GPC6: variants seen among roughly 807,000 people sequenced by gnomAD.
The protein encoded by GPC6 is glypican-6.
In GPC6, 14 loss-of-function variants were observed where a neutral mutation model predicts 55.2. That is an observed-to-expected ratio of 0.25 (90% CI 0.17 to 0.40). GPC6 has a LOEUF of 0.40. GPC6 is among the 10% of genes least tolerant of loss of function. GPC6 has a pLI of 1.00. For synonymous variants in GPC6, 278 were observed against 259.6 expected (o/e 1.07, Z -0.68); for missense variants, 641 against 708.5 (o/e 0.90, Z 1.08).
At chr13:93,724,370 A>G (rs1883555393) in intron 2 of GPC6, among the ~76,000 whole-genome samples, 1 of 152,038 alleles carries the variant, frequency 6.6e-6, no homozygotes. Flanking sequence ...AGCAAAAGCT[A>G]TTTGTTGATC....
intron 6 of GPC6, among the ~76,000 whole-genome samples, chr13:94,324,511 G>A (rs556739147): frequency 6.6e-6 from 1 of 152,244 alleles, no homozygotes; most frequent in South Asian, 2.1e-4. Context: ...CGCTTCGAGA[G>A]TAGGTTTGAC....
chr13:93,266,389 A>G (rs754669970), intron 1 of GPC6, among the ~76,000 whole-genome samples: 11 of 152,228 alleles, frequency 7.2e-5, no homozygotes, highest in Non-Finnish European at 1.3e-4. Flanking sequence ...GACAAAGGTC[A>G]TCAAATATTT....
intron 1 of GPC6, among the ~76,000 whole-genome samples, chr13:93,388,036 C>T (rs1038599622): frequency 2.0e-5 from 3 of 152,084 alleles, no homozygotes; most frequent in South Asian, 2.1e-4. Context: ...AAATTCCATC[C>T]ATTATACTCT....
intron 2 of GPC6, among the ~76,000 whole-genome samples, chr13:93,779,795 T>G (rs1885580169): frequency 6.6e-6 from 1 of 152,154 alleles, no homozygotes; most frequent in Non-Finnish European, 1.5e-5. Context: ...ACCTTAGAGC[T>G]TAATGTAGGG....
intron 1 of GPC6, among the ~76,000 whole-genome samples, chr13:93,327,213 G>T (rs1199596302): frequency 1.3e-5 from 2 of 152,126 alleles, no homozygotes; most frequent in African/African-American, 4.8e-5. Flanking sequence ...AGTTACACTT[G>T]TGATGACTGG....
intron 1 of GPC6, among the ~76,000 whole-genome samples, chr13:93,255,949 C>G (rs1429688762): frequency 6.6e-6 from 1 of 151,954 alleles, no homozygotes; most frequent in Non-Finnish European, 1.5e-5. Context: ...GCCTGGCCAA[C>G]ATGGAGAAAC....
chr13:93,775,025 A>G (rs139405118), intron 2 of GPC6, among the ~76,000 whole-genome samples: 2 of 152,296 alleles, frequency 1.3e-5, no homozygotes, highest in African/African-American at 4.8e-5. Context: ...AGGAGCAAAC[A>G]CAGATGCCCA....
At chr13:93,973,693 A>G (rs181356063) in intron 3 of GPC6, among the ~76,000 whole-genome samples, 1 of 152,298 alleles carries the variant, frequency 6.6e-6, no homozygotes, top group African/African-American at 2.4e-5. Context: ...TTTCTCACCA[A>G]TATTTACCCT....
intron 2 of GPC6, among the ~76,000 whole-genome samples, chr13:93,554,145 CA>C (rs35616377): frequency 1.6e-3 from 215 of 136,754 alleles, no homozygotes; most frequent in Middle Eastern, 4.1e-3. Context: ...GAGACTCTGT[CA>C]AAAAAAAAAA....
chr13:94,284,509 T>G (rs1892476520), intron 4 of GPC6, among the ~76,000 whole-genome samples: 1 of 152,168 alleles, frequency 6.6e-6, no homozygotes, highest in Non-Finnish European at 1.5e-5. Context: ...TGTGTAGATT[T>G]CTCTGGCCTT....
intron 3 of GPC6, among the ~76,000 whole-genome samples, chr13:93,917,953 C>T (rs945099665): frequency 6.6e-6 from 1 of 152,064 alleles, no homozygotes; most frequent in African/African-American, 2.4e-5. Context: ...AAAAATTAGC[C>T]AGGTGTGGTG....
intron 4 of GPC6, among the ~76,000 whole-genome samples, chr13:94,093,442 ATTCTG>A (rs1185895384): frequency 6.6e-6 from 1 of 151,796 alleles, no homozygotes; most frequent in Non-Finnish European, 1.5e-5. Context: ...TCTGGCTCTT[ATTCTG>A]TTCTGTTGGT....
At chr13:93,735,560 C>G (rs1201620052) in intron 2 of GPC6, among the ~76,000 whole-genome samples, 1 of 151,678 alleles carries the variant, frequency 6.6e-6, no homozygotes, top group Non-Finnish European at 1.5e-5. Context: ...CAAGGATAGA[C>G]AGAGGATGAT....
At chr13:94,295,120 T>A (rs1875252519) in intron 5 of GPC6, among the ~76,000 whole-genome samples, 1 of 152,140 alleles carries the variant, frequency 6.6e-6, no homozygotes, top group Non-Finnish European at 1.5e-5. Flanking sequence ...AGTTACCAGG[T>A]CAGATTTTTG....
intron 2 of GPC6, among the ~76,000 whole-genome samples, chr13:93,572,644 T>C (rs770722133): frequency 3.3e-5 from 5 of 152,166 alleles, no homozygotes; most frequent in Non-Finnish European, 1.5e-5. Flanking sequence ...ATAAAAACTA[T>C]AGAAGGATAT....
intron 3 of GPC6, among the ~76,000 whole-genome samples, chr13:93,947,272 A>G (rs1235992850): frequency 1.3e-5 from 2 of 152,220 alleles, no homozygotes; most frequent in Non-Finnish European, 2.9e-5. Context: ...ACAGTGGCAC[A>G]TTCTTCCAAA....
At chr13:94,284,431 T>A (rs1892473578) in intron 4 of GPC6, among the ~76,000 whole-genome samples, 1 of 151,694 alleles carries the variant, frequency 6.6e-6, no homozygotes, top group Non-Finnish European at 1.5e-5. Flanking sequence ...GGATGGGGGT[T>A]ATTATATCAT....
chr13:94,291,062 C>T (rs1874941591), intron 5 of GPC6, among the ~76,000 whole-genome samples: 2 of 152,074 alleles, frequency 1.3e-5, no homozygotes, highest in Admixed American at 1.3e-4. Flanking sequence ...CATGGTGGTG[C>T]ATGCCTGTTA....
At chr13:93,581,951 C>T (rs1876956548) in intron 2 of GPC6, among the ~76,000 whole-genome samples, 1 of 152,066 alleles carries the variant, frequency 6.6e-6, no homozygotes, top group South Asian at 2.1e-4. Flanking sequence ...GGTGTTTTTA[C>T]ATAAGATATC....
Sources: gnomAD v4.1 joint callset for allele counts (sites outside exome capture counted in the v4.1 genomes callset) on GRCh38, gnomAD v4.1.1 for gene constraint, MANE v1.5 for transcripts, NCBI Gene and HGNC (gene_info 2026-07-23, HGNC 2026-07-21) for gene names.